SLC24A2: variants seen among roughly 807,000 people sequenced by gnomAD.
SLC24A2 encodes the protein sodium/potassium/calcium exchanger 2.
In SLC24A2, 36 loss-of-function variants were observed where a neutral mutation model predicts 62.0. That is an observed-to-expected ratio of 0.58 (90% CI 0.44 to 0.77). The LOEUF is 0.77. SLC24A2 is among the 30% of genes least tolerant of loss of function. The pLI is 0.00. For synonymous variants in SLC24A2, 358 were observed against 294.0 expected (o/e 1.22, Z -2.23); for missense variants, 846 against 817.9 (o/e 1.03, Z -0.42).
At chr9:19,518,554 T>A (rs1392144352) in intron 10 of SLC24A2, among the ~76,000 whole-genome samples, 1 of 151,954 alleles carries the variant, frequency 6.6e-6, no homozygotes, top group African/African-American at 2.4e-5. Flanking sequence ...CCCGAGTAGC[T>A]GGGACTGCAG....
At chr9:19,843,895 T>C in the SLC24A2 span, among the ~76,000 whole-genome samples, 3 of 152,214 alleles carry the variant, frequency 2.0e-5, no homozygotes, top group Non-Finnish European at 4.4e-5. Context: ...ATGGTGTATA[T>C]GTATGACATT....
At chr9:20,103,178 T>C in the SLC24A2 span, among the ~76,000 whole-genome samples, 1 of 151,964 alleles carries the variant, frequency 6.6e-6, no homozygotes, top group Non-Finnish European at 1.5e-5. Context: ...CTTGCTTAGG[T>C]AAACAAAGCA....
the SLC24A2 span, among the ~76,000 whole-genome samples, chr9:20,300,225 G>T: frequency 6.6e-6 from 1 of 152,074 alleles, no homozygotes; most frequent in Non-Finnish European, 1.5e-5. Flanking sequence ...GGAAAATGGG[G>T]TATCTATCCC....
intron 6 of SLC24A2, among the ~76,000 whole-genome samples, chr9:19,573,886 T>G (rs1190392460): frequency 6.6e-6 from 1 of 152,162 alleles, no homozygotes; most frequent in Non-Finnish European, 1.5e-5. Context: ...CCACACGCAA[T>G]CTACATACTA....
the SLC24A2 span, among the ~76,000 whole-genome samples, chr9:20,287,424 C>G: frequency 2.0e-5 from 3 of 152,148 alleles, no homozygotes; most frequent in Admixed American, 1.3e-4. Context: ...CTTTTATATG[C>G]TGAGCCTATC....
At chr9:19,755,930 AT>A (rs1173759725) in intron 2 of SLC24A2, among the ~76,000 whole-genome samples, 2 of 151,854 alleles carry the variant, frequency 1.3e-5, no homozygotes, top group Admixed American at 1.3e-4. Context: ...CTGTAATTGG[AT>A]TTGTATTAAT....
the SLC24A2 span, among the ~76,000 whole-genome samples, chr9:20,143,849 A>G: frequency 6.6e-6 from 1 of 152,250 alleles, no homozygotes; most frequent in South Asian, 2.1e-4. Flanking sequence ...CAATATTTAT[A>G]CACATATGAC....
chr9:20,217,557 A>G, the SLC24A2 span, among the ~76,000 whole-genome samples: 1 of 152,170 alleles, frequency 6.6e-6, no homozygotes, highest in Non-Finnish European at 1.5e-5. Context: ...AGTCTTCCTA[A>G]AAAAAGCTTG....
chr9:19,792,753 C>G (rs184556440), upstream of SLC24A2, among the ~76,000 whole-genome samples: 12 of 151,968 alleles, frequency 7.9e-5, no homozygotes, highest in African/African-American at 2.7e-4. Context: ...TGTGGGCAAC[C>G]CAGGGACAAA....
chr9:19,662,930 C>T (rs144897412), intron 2 of SLC24A2, among the ~76,000 whole-genome samples: 325 of 152,286 alleles, frequency 2.1e-3, no homozygotes, highest in Non-Finnish European at 3.5e-3. Flanking sequence ...TTTTAGATCA[C>T]TAATACCAAA....
At chr9:19,873,507 TTTTCTTTCTCTCTCTCCTTCCTTTCTTTC>T in the SLC24A2 span, among the ~76,000 whole-genome samples, 3 of 137,072 alleles carry the variant, frequency 2.2e-5, no homozygotes, top group African/African-American at 5.1e-5. Flanking sequence ...CTTTCTTTCT[TTTTCTTTCTCTCTCTCCTTCCTTTCTTTC>T]TCTTTCTTTC....
chr9:20,031,109 C>T, the SLC24A2 span, among the ~76,000 whole-genome samples: 1 of 151,582 alleles, frequency 6.6e-6, no homozygotes, highest in African/African-American at 2.4e-5. Flanking sequence ...TATATGTATA[C>T]ACACACATAT....
chr9:19,943,425 G>T, the SLC24A2 span, among the ~76,000 whole-genome samples: 1 of 152,114 alleles, frequency 6.6e-6, no homozygotes, highest in Non-Finnish European at 1.5e-5. Context: ...GGAAGAGGAA[G>T]AACTATTTAT....
At chr9:19,541,589 A>G (rs1834262041) in intron 8 of SLC24A2, among the ~76,000 whole-genome samples, 1 of 146,300 alleles carries the variant, frequency 6.8e-6, no homozygotes, top group South Asian at 2.2e-4. Flanking sequence ...GCGTGCTGGG[A>G]GAACCACTGC....
chr9:19,711,863 A>G (rs369550081), intron 2 of SLC24A2, among the ~76,000 whole-genome samples: 10 of 152,192 alleles, frequency 6.6e-5, no homozygotes, highest in East Asian at 1.9e-4. Flanking sequence ...AAATGATACA[A>G]ACTAGACTCA....
chr9:20,164,806 A>C, the SLC24A2 span, among the ~76,000 whole-genome samples: 8 of 151,786 alleles, frequency 5.3e-5, no homozygotes, highest in East Asian at 1.9e-4. Flanking sequence ...ATGCAGCCAT[A>C]AAAAATGATG....
At position 19,698,211 on chromosome 9, in the gene SLC24A2, T is replaced by C. The variant is rs373808967; in HGVS notation, c.931-75912A>G. Reference sequence around the variant, plus strand: ...GGACATGATGCCATAGATGAAAAATTCCACACCTGACCTCATGTGACAGTT... The same window carrying C: ...GGACATGATGCCATAGATGAAAAATCCCACACCTGACCTCATGTGACAGTT... On this transcript the variant is annotated intron_variant, in intron 2 of 10. Coordinates refer to ENST00000341998, the MANE Select transcript of SLC24A2 (RefSeq NM_020344.4). Among the ~76,000 whole-genome samples, 174 of 152,246 alleles carry C rather than the reference T, an allele frequency of 1.1e-3. 4 individuals carry two copies. The South Asian group carries it at 0.035, about 31-fold the overall frequency.
the SLC24A2 span, among the ~76,000 whole-genome samples, chr9:20,145,813 G>A: frequency 1.2e-4 from 18 of 151,740 alleles, no homozygotes; most frequent in African/African-American, 4.1e-4. Context: ...ATATGTATAT[G>A]TCATATACAA....
At chr9:19,747,382 C>G (rs554840342) in intron 2 of SLC24A2, among the ~76,000 whole-genome samples, 60 of 152,190 alleles carry the variant, frequency 3.9e-4, no homozygotes, top group African/African-American at 1.3e-3. Context: ...AATACACACA[C>G]AATTTGCTTG....
Sources: allele counts gnomAD v4.1 joint callset (sites outside exome capture counted in the v4.1 genomes callset), GRCh38; gene constraint gnomAD v4.1.1; transcripts MANE v1.5; gene names NCBI Gene and HGNC (gene_info 2026-07-23, HGNC 2026-07-21).